Variants in ACTN2 observed in about 807,000 individuals in gnomAD.
ACTN2 encodes the protein alpha-actinin-2.
Under a neutral mutation model 113.8 loss-of-function variants are expected in ACTN2, and 39 were observed. That is an observed-to-expected ratio of 0.34 (90% CI 0.27 to 0.45). ACTN2 has a LOEUF of 0.45. Among genes scored for constraint, ACTN2 ranks in the 20% least tolerant of loss-of-function variants. ACTN2 has a pLI of 1.00. For synonymous variants in ACTN2, 429 were observed against 444.1 expected, an observed-to-expected ratio of 0.97 and a Z score of 0.43; for missense variants, 992 against 1,177.9, an observed-to-expected ratio of 0.84 and a Z score of 2.31.
intron 1 of ACTN2, among the ~76,000 whole-genome samples, chr1:236,695,769 T>C (rs756633784): frequency 3.9e-5 from 6 of 152,212 alleles, no homozygotes; most frequent in African/African-American, 7.2e-5. Context: ...GGGAAAGAAC[T>C]GGCATATGCA....
chr1:236,724,137 C>T (rs1658477880), intron 4 of ACTN2, among the ~76,000 whole-genome samples: 1 of 150,448 alleles, frequency 6.6e-6, no homozygotes, highest in East Asian at 2.0e-4. Flanking sequence ...TGTGAGGATC[C>T]TCTTCCTGGC....
At chr1:236,712,646 G>A (rs1198039723) in intron 1 of ACTN2, among the ~76,000 whole-genome samples, 1 of 152,112 alleles carries the variant, frequency 6.6e-6, no homozygotes, top group Non-Finnish European at 1.5e-5. Flanking sequence ...GTGACAGAGC[G>A]AGACCGTCTT....
intron 7 of ACTN2, among the ~76,000 whole-genome samples, chr1:236,732,187 T>C (rs1463036422): frequency 6.6e-6 from 1 of 152,240 alleles, no homozygotes; most frequent in East Asian, 1.9e-4. Flanking sequence ...TATTATGGCC[T>C]TTGTAACAAA....
intron 2 of ACTN2, 132 bp from the exon 3 acceptor site, chr1:236,718,762 C>A: frequency 7.9e-7 from 1 of 1,267,244 alleles, no homozygotes; most frequent in Non-Finnish European, 1.1e-6. Flanking sequence ...TTAGAGAGAC[C>A]AGGCACACAT....
chr1:236,711,573 C>T (rs781596742), intron 1 of ACTN2, among the ~76,000 whole-genome samples: 18 of 152,138 alleles, frequency 1.2e-4, no homozygotes, highest in Admixed American at 4.6e-4. Flanking sequence ...TGGTCTTGAA[C>T]TCCTGGCCTC....
chr1:236,736,317 G>A lies in ACTN2; in HGVS notation c.783+597G>A, dbSNP rs556417377. ...AGGATCTTGATAGACTGCAGTGGGC[G>A]GAGTATGCATTATTTCAGTGACCGC... On this transcript the variant is annotated intron_variant, in intron 8 of 20. Transcript: ENST00000366578. Among the ~76,000 whole-genome samples, 15 of 152,320 alleles carry A rather than the reference G, an allele frequency of 9.8e-5. No homozygotes were observed. The South Asian group carries it at 2.7e-3, about 27-fold the overall frequency.
rs1658596173 is a variant in ACTN2 at position 236,727,734 on chromosome 1, T to C, written c.593T>C (p.Ile198Thr). Reference protein sequence around the residue: ...ALIHRHRPDLIDYSKLNKDDP... With the variant: ...ALIHRHRPDLTDYSKLNKDDP... The stretch of plus-strand genomic sequence containing the variant: ...ATCCACCGACACCGGCCTGACCTCA[T>C]TGACTACTCAAAGCTTAACAAGGTT... Residue 198 changes from isoleucine to threonine, a missense_variant, in exon 6 of 21, where the codon ATT (isoleucine) becomes ACT (threonine). Coordinates refer to ENST00000366578, the MANE Select transcript of ACTN2 (RefSeq NM_001103.4). 6 of 1,614,118 alleles carry C rather than the reference T, an allele frequency of 3.7e-6. No homozygotes were observed. Among genetic ancestry groups the C allele is most frequent in the South Asian group, 1.1e-5 (1 of 91,056 alleles).
chr1:236,696,706 G>A (rs1005224024), intron 1 of ACTN2, among the ~76,000 whole-genome samples: 10 of 137,028 alleles, frequency 7.3e-5, no homozygotes, highest in African/African-American at 1.4e-4. Context: ...TTGCTCTGTC[G>A]CCAGGCTGGA....
intron 1 of ACTN2, among the ~76,000 whole-genome samples, chr1:236,716,807 C>T (rs887750311): frequency 4.0e-5 from 6 of 151,208 alleles, no homozygotes; most frequent in Non-Finnish European, 7.4e-5. Context: ...ATCACCCACC[C>T]TCTCCTCTAA....
At chr1:236,711,361 A>AT (rs1207812952) in intron 1 of ACTN2, among the ~76,000 whole-genome samples, 4 of 151,586 alleles carry the variant, frequency 2.6e-5, no homozygotes, top group South Asian at 2.1e-4. Context: ...TTTATTTTTT[A>AT]TTTTTTTGCG....
Position 236,764,216 on chromosome 1 carries a change from GT to G in ACTN2, c.*1600del, listed in dbSNP as rs1187884537. ...TTGCTTCATTATTAAGTAATTGGTA[GT>G]TTCCAGATTCCTGAAATATTTGAAT... On this transcript the variant is annotated 3_prime_UTR_variant, in exon 21 of 21. Transcript: ENST00000366578. The G allele has an allele frequency of 3.8e-4, 58 of 152,292 alleles. No homozygotes were observed. Among genetic ancestry groups the G allele is most frequent in the African/African-American group, 1.4e-3 (58 of 41,566 alleles). 9.4% of individuals were successfully genotyped at this position (152,292 alleles called of 1,614,324 possible).
intron 14 of ACTN2, among the ~76,000 whole-genome samples, chr1:236,750,993 G>T (rs1212740299): frequency 6.6e-6 from 1 of 150,550 alleles, no homozygotes; most frequent in African/African-American, 2.4e-5. Flanking sequence ...AGGAGACTGA[G>T]GCAGGAGGAT....
chr1:236,745,761 C>T (rs1370700323), intron 12 of ACTN2, among the ~76,000 whole-genome samples: 2 of 152,140 alleles, frequency 1.3e-5, no homozygotes, highest in African/African-American at 2.4e-5. Flanking sequence ...ACTCCTTTCC[C>T]CACCATTATA....
At chr1:236,688,562 T>G (rs975024550) in intron 1 of ACTN2, among the ~76,000 whole-genome samples, 2 of 152,256 alleles carry the variant, frequency 1.3e-5, no homozygotes, top group African/African-American at 4.8e-5. Flanking sequence ...TGCATAGCAC[T>G]TGAAGTAAAG....
In ACTN2 at chr1:236,754,946, C is replaced by T. The variant is rs1414654339; in HGVS notation, c.1975-73C>T. ...GCATCCCATGCAGGGTCTGGAACGGCGCCTCGTGCCGAGCTCCCTTAGAGG... is the reference window on the plus strand; with the variant it reads ...GCATCCCATGCAGGGTCTGGAACGGTGCCTCGTGCCGAGCTCCCTTAGAGG... On this transcript the variant is annotated intron_variant, in intron 16 of 20. Transcript: ENST00000366578. The surrounding 1 kb of genome is among the most constrained non-coding windows in gnomAD (Gnocchi z 4.9). The T allele has an allele frequency of 8.2e-6, 13 of 1,584,048 alleles. No individual in the cohort carries two copies. The highest frequency in any genetic ancestry group is 4.5e-5 in the East Asian group (2 of 44,730).
At chr1:236,755,903 T>C (rs66635213) in intron 17 of ACTN2, among the ~76,000 whole-genome samples, 127 of 23,198 alleles carry the variant, frequency 5.5e-3, no homozygotes, top group African/African-American at 0.028. Context: ...CCGCTGCCAC[T>C]GTTAGAACCC....
chr1:236,755,191 C>T lies in ACTN2; in HGVS notation c.2147C>T (p.Thr716Met), dbSNP rs193922635. The change falls in exon 17 of 21, where the codon ACG (threonine) becomes ATG (methionine). Residue 716 changes from threonine to methionine, a missense_variant. Physicochemically the swap from Thr to Met is moderately conservative, Grantham distance 81 (BLOSUM62 -1). Transcript: ENST00000366578. ...TTTGACAACAAGCACACGAACTACACGATGGAGGTACGGCAGCCAGACAGG... is the reference window on the plus strand; with the variant it reads ...TTTGACAACAAGCACACGAACTACATGATGGAGGTACGGCAGCCAGACAGG... The part of the protein sequence containing the change: ...LVFDNKHTNY[T>M]MEHIRVGWEL... The T allele has an allele frequency of 2.9e-4, 467 of 1,614,034 alleles. No individual in the cohort carries two copies. Among genetic ancestry groups the T allele is most frequent in the Middle Eastern group, 6.6e-4 (4 of 6,084 alleles).
At chr1:236,747,952 T>G (rs545473570) in intron 13 of ACTN2, 177 bp downstream of exon 13, 1 of 625,134 alleles carries the variant, frequency 1.6e-6, no homozygotes, top group African/African-American at 1.9e-5. Context: ...GGGAGCTTTG[T>G]GCTGTAATTT....
At chr1:236,735,565 T>C in intron 7 of ACTN2, 70 bp from the exon 8 acceptor site, 1 of 1,366,210 alleles carries the variant, frequency 7.3e-7, no homozygotes, top group Admixed American at 1.7e-5. Context: ...CTCCCTGGTT[T>C]CTCTCCTTCG....
Sources: gnomAD v4.1 joint callset for allele counts (sites outside exome capture counted in the v4.1 genomes callset) on GRCh38, gnomAD v4.1.1 for gene constraint, Gnocchi (gnomAD v3.1) non-coding constraint, MANE v1.5 for transcripts, NCBI Gene and HGNC (gene_info 2026-07-23, HGNC 2026-07-21) for gene names.